SLC25A48: variants seen among roughly 807,000 people sequenced by gnomAD.
SLC25A48 encodes solute carrier family 25 member 48.
Under a neutral mutation model 32.2 loss-of-function variants are expected in SLC25A48, and 29 were observed. That is an observed-to-expected ratio of 0.90 (90% confidence interval 0.67 to 1.23). The LOEUF (loss-of-function observed/expected upper bound fraction) is 1.23, where lower values mean the gene tolerates loss of function less well. Ranked by LOEUF, SLC25A48 falls within the 50% of genes most tolerant of loss-of-function variation. The pLI is 0.00. For missense variants in SLC25A48, 399 were observed against 422.7 expected, an observed-to-expected ratio of 0.94 and a Z score of 0.49; for synonymous variants, 164 against 172.3, an observed-to-expected ratio of 0.95 and a Z score of 0.38.
At chr5:135,712,482 T>C (rs930899467) in intron 3 of SLC25A48, among the ~76,000 whole-genome samples, 1 of 152,140 alleles carries the variant, frequency 6.6e-6, no homozygotes, top group East Asian at 1.9e-4. Flanking sequence ...GAGAAACAAA[T>C]ACAAGAGACA....
chr5:135,626,566 CTG>C (rs138468493), intron 1 of SLC25A48, among the ~76,000 whole-genome samples: 24 of 151,656 alleles, frequency 1.6e-4, no homozygotes, highest in Admixed American at 3.3e-4. Flanking sequence ...AAGTGTGTGT[CTG>C]TGTGTGTGTG....
chr5:135,748,376 C>T (rs745719127), intron 3 of SLC25A48, among the ~76,000 whole-genome samples: 11 of 152,160 alleles, frequency 7.2e-5, no homozygotes, highest in South Asian at 2.1e-4. Flanking sequence ...TGGGTGCAAG[C>T]GATTCTCCTG....
chr5:135,742,502 A>G, intron 3 of SLC25A48: 1 of 1,579,450 alleles, frequency 6.3e-7, no homozygotes, highest in Non-Finnish European at 8.6e-7. Context: ...GTGGGCACTG[A>G]ATGTGCTTTT....
chr5:135,794,989 G>A (rs1232777264), intron 3 of SLC25A48, among the ~76,000 whole-genome samples: 1 of 151,848 alleles, frequency 6.6e-6, no homozygotes, highest in Non-Finnish European at 1.5e-5. Context: ...TAATATCCAG[G>A]TGAGGAGAGG....
intron 3 of SLC25A48, among the ~76,000 whole-genome samples, chr5:135,658,967 C>T (rs1318839372): frequency 6.6e-6 from 1 of 152,184 alleles, no homozygotes; most frequent in African/African-American, 2.4e-5. Flanking sequence ...GCCTCTAGAC[C>T]CGTGATGGGA....
chr5:135,691,753 A>T (rs2126958601), intron 3 of SLC25A48, among the ~76,000 whole-genome samples: 1 of 152,258 alleles, frequency 6.6e-6, no homozygotes, highest in South Asian at 2.1e-4. Flanking sequence ...ACACCTCTAG[A>T]GCTGTAAAGT....
chr5:135,639,141 G>A (rs1238665865), intron 3 of SLC25A48, among the ~76,000 whole-genome samples: 1 of 152,188 alleles, frequency 6.6e-6, no homozygotes, highest in Non-Finnish European at 1.5e-5. Flanking sequence ...GATATGAAAA[G>A]TGCATTCAAT....
At chr5:135,649,630 G>A (rs1252073108) in intron 3 of SLC25A48, 2 of 152,546 alleles carry the variant, frequency 1.3e-5, no homozygotes, top group Non-Finnish European at 2.9e-5. Context: ...TACAAAGGGT[G>A]GAGGGAAAGG....
chr5:135,741,359 C>T (rs1755497855), intron 3 of SLC25A48, among the ~76,000 whole-genome samples: 1 of 152,180 alleles, frequency 6.6e-6, no homozygotes, highest in Non-Finnish European at 1.5e-5. Flanking sequence ...CAAACATTTT[C>T]CGCAAGGGCC....
chr5:135,624,091 G>C (rs916052886), intron 1 of SLC25A48, among the ~76,000 whole-genome samples: 6 of 152,214 alleles, frequency 3.9e-5, no homozygotes, highest in African/African-American at 1.4e-4. Context: ...TGAGCACAAA[G>C]CCTGGTTTGC....
chr5:135,643,391 A>G (rs977200205), intron 3 of SLC25A48, among the ~76,000 whole-genome samples: 8 of 152,194 alleles, frequency 5.3e-5, no homozygotes, highest in African/African-American at 1.9e-4. Context: ...TCAGAATGTC[A>G]GTCAGCCACA....
At chr5:135,657,715 G>A (rs748875742) in intron 3 of SLC25A48, among the ~76,000 whole-genome samples, 3 of 152,220 alleles carry the variant, frequency 2.0e-5, no homozygotes, top group South Asian at 4.1e-4. Flanking sequence ...CTGGGCAGGA[G>A]TGTCAGCAGC....
intron 3 of SLC25A48, among the ~76,000 whole-genome samples, chr5:135,745,558 G>C (rs1561473163): frequency 6.6e-6 from 1 of 152,014 alleles, no homozygotes; most frequent in Admixed American, 6.5e-5. Context: ...CAGCGGGGGT[G>C]GTGGGAAGAA....
At chr5:135,817,250 A>G (rs535498364) in intron 4 of SLC25A48, among the ~76,000 whole-genome samples, 1 of 152,350 alleles carries the variant, frequency 6.6e-6, no homozygotes, top group East Asian at 1.9e-4. Context: ...AACATCCAAC[A>G]GTGCACAGGA....
At chr5:135,672,024 C>T (rs1490337802) in intron 3 of SLC25A48, among the ~76,000 whole-genome samples, 1 of 152,166 alleles carries the variant, frequency 6.6e-6, no homozygotes, top group African/African-American at 2.4e-5. Flanking sequence ...CAAAGCCAAC[C>T]ATTAGCTTCC....
At chr5:135,650,420 G>A (rs1035465625) in intron 3 of SLC25A48, 1 of 456,136 alleles carries the variant, frequency 2.2e-6, no homozygotes, top group Non-Finnish European at 4.4e-6. Context: ...TCCTTCACAT[G>A]GGGTGGGAGA....
intron 3 of SLC25A48, among the ~76,000 whole-genome samples, chr5:135,691,481 C>G (rs896891238): frequency 6.6e-6 from 1 of 152,166 alleles, no homozygotes; most frequent in South Asian, 2.1e-4. Flanking sequence ...CCTGGAAGAG[C>G]CAGGCACTGC....
At chr5:135,666,691 G>T (rs1440690064) in intron 3 of SLC25A48, among the ~76,000 whole-genome samples, 1 of 138,586 alleles carries the variant, frequency 7.2e-6, no homozygotes, top group Non-Finnish European at 1.6e-5. Flanking sequence ...GAGAGAGAGA[G>T]AATTAGTTTA....
At chr5:135,681,466 T>C (rs1753895952) in intron 3 of SLC25A48, among the ~76,000 whole-genome samples, 1 of 152,244 alleles carries the variant, frequency 6.6e-6, no homozygotes, top group Admixed American at 6.5e-5. Context: ...GTCTATCTTC[T>C]AGAACACAGA....
Sources: allele counts gnomAD v4.1 joint callset (sites outside exome capture counted in the v4.1 genomes callset), GRCh38; gene constraint gnomAD v4.1.1; transcripts MANE v1.5; gene names NCBI Gene and HGNC (gene_info 2026-07-23, HGNC 2026-07-21).